CPEB1: variants seen among roughly 807,000 people sequenced by gnomAD.
CPEB1 encodes the protein cytoplasmic polyadenylation element binding protein 1.
CPEB1 carries 7 observed loss-of-function variants against 65.8 expected under a neutral mutation model. The observed-to-expected ratio is 0.11, with a 90% CI of 0.06 to 0.20. The LOEUF (loss-of-function observed/expected upper bound fraction) is 0.20, where lower values mean the gene tolerates loss of function less well. CPEB1 is among the 10% of genes least tolerant of loss of function. The probability of loss-of-function intolerance (pLI) is 1.00; values close to 1 mark genes in which losing one functional copy is unlikely to be tolerated. For synonymous variants in CPEB1, 262 were observed against 260.0 expected (o/e 1.01, Z -0.08); for missense variants, 551 against 712.2 (o/e 0.77, Z 2.58).
chr15:82,602,443 G>C (rs1366998317), intron 3 of CPEB1, among the ~76,000 whole-genome samples: 1 of 152,170 alleles, frequency 6.6e-6, no homozygotes, highest in Non-Finnish European at 1.5e-5. Flanking sequence ...AAGTGCTTTG[G>C]GAGGCTCAGA....
At chr15:82,547,962 T>C (rs928865814) in intron 10 of CPEB1, among the ~76,000 whole-genome samples, 4 of 152,176 alleles carry the variant, frequency 2.6e-5, no homozygotes, top group Non-Finnish European at 5.9e-5. Context: ...GTATAAGCCA[T>C]CATGGTCAGC....
At chr15:82,639,988 T>C (rs1347730441) in intron 1 of CPEB1, among the ~76,000 whole-genome samples, 3 of 152,172 alleles carry the variant, frequency 2.0e-5, no homozygotes, top group Non-Finnish European at 4.4e-5. Flanking sequence ...ATTGGAAGCT[T>C]GTACCAGATT....
chr15:82,622,880 G>A (rs936072126), intron 3 of CPEB1, among the ~76,000 whole-genome samples: 6 of 152,130 alleles, frequency 3.9e-5, no homozygotes, highest in Non-Finnish European at 8.8e-5. Context: ...CTCCACGGAC[G>A]GGGACGGAAT....
At position 82,557,867 on chromosome 15, in the gene CPEB1, C is replaced by T. The variant is rs1440455205; in HGVS notation, c.580G>A (p.Gly194Arg). 6.2e-7 allele frequency: 1 copy of T among 1,614,118 alleles called. No individual in the cohort carries two copies. Among genetic ancestry groups the T allele is most frequent in the Admixed American group, 1.7e-5 (1 of 60,016 alleles). ...VDKFPAPSVRGSRLDTRPILD... is the reference protein window; with the variant it reads ...VDKFPAPSVRRSRLDTRPILD... ...ATGGGCCGGGTGTCCAGGCGTGATC[C>T]TCTAACTGAGGGTGCTGGAAACTTG... is the stretch of plus-strand genomic sequence containing the variant. Residue 194 changes from glycine (G) to arginine (R), a missense_variant, in exon 5 of 13, where the codon GGA becomes AGA. By Grantham distance (125) the Gly-to-Arg change is moderately radical (BLOSUM62 -2). Transcript: ENST00000684509.
At chr15:82,607,077 T>C (rs2043684162) in intron 3 of CPEB1, among the ~76,000 whole-genome samples, 1 of 151,848 alleles carries the variant, frequency 6.6e-6, no homozygotes, top group South Asian at 2.1e-4. Flanking sequence ...CTAGAAAATA[T>C]CTTAACACAA....
chr15:82,604,561 G>C (rs1233937883), intron 3 of CPEB1, among the ~76,000 whole-genome samples: 1 of 150,300 alleles, frequency 6.7e-6, no homozygotes, highest in African/African-American at 2.4e-5. Flanking sequence ...TCACCAAATA[G>C]AGAATATTAC....
chr15:82,556,132 GA>G lies in CPEB1; in HGVS notation c.688-11del. 1.9e-6 allele frequency: 3 copies of G among 1,584,206 alleles called. No homozygotes were observed. The highest frequency in any genetic ancestry group is 1.4e-5 in the African/African-American group (1 of 73,172). On this transcript the variant is annotated splice_polypyrimidine_tract_variant and intron_variant, in intron 5 of 12. Coordinates refer to ENST00000684509, the MANE Select transcript of CPEB1 (RefSeq NM_001365242.1). Reference sequence around the variant, plus strand: ...AAATGCGAAGGCTTGACTAGGGGAGGAAAAAGGAAGACAGGGTTTTAAAGGC... The same window carrying G: ...AAATGCGAAGGCTTGACTAGGGGAGGAAAAGGAAGACAGGGTTTTAAAGGC...
At chr15:82,639,033 T>C (rs920337754) in intron 1 of CPEB1, among the ~76,000 whole-genome samples, 1 of 152,212 alleles carries the variant, frequency 6.6e-6, no homozygotes, top group Non-Finnish European at 1.5e-5. Context: ...GTCTTAGAAT[T>C]ATAAAAATAC....
At chr15:82,602,000 G>A (rs113985924) in intron 3 of CPEB1, among the ~76,000 whole-genome samples, 1 of 152,182 alleles carries the variant, frequency 6.6e-6, no homozygotes, top group Admixed American at 6.5e-5. Flanking sequence ...CATCAAATTA[G>A]TAAATTTGAC....
chr15:82,609,626 C>G (rs1167638560), intron 3 of CPEB1, among the ~76,000 whole-genome samples: 1 of 150,240 alleles, frequency 6.7e-6, no homozygotes, highest in Non-Finnish European at 1.5e-5. Context: ...GAAATAATGT[C>G]TAGAAAAACT....
chr15:82,635,376 C>T (rs1444176255), intron 1 of CPEB1, among the ~76,000 whole-genome samples: 1 of 152,132 alleles, frequency 6.6e-6, no homozygotes, highest in Non-Finnish European at 1.5e-5. Flanking sequence ...TCTCTATTTG[C>T]TTTAGTCACC....
intron 3 of CPEB1, among the ~76,000 whole-genome samples, chr15:82,580,959 C>T (rs2041227637): frequency 6.6e-6 from 1 of 151,952 alleles, no homozygotes; most frequent in South Asian, 2.1e-4. Flanking sequence ...TCAAGCAGTC[C>T]TCCCACCTCA....
chr15:82,632,353 T>C (rs898198952), intron 1 of CPEB1, among the ~76,000 whole-genome samples: 1 of 152,190 alleles, frequency 6.6e-6, no homozygotes, highest in Non-Finnish European at 1.5e-5. Context: ...TTTTTAGTAA[T>C]TCTGTACATG....
chr15:82,561,268 T>C (rs1041128457), intron 4 of CPEB1, among the ~76,000 whole-genome samples: 3 of 152,142 alleles, frequency 2.0e-5, no homozygotes, highest in Admixed American at 1.3e-4. Context: ...AGTTAAACAA[T>C]GAGATTTTCA....
At chr15:82,553,429 A>G (rs903835026) in intron 8 of CPEB1, 38 bp downstream of exon 8, 1 of 1,526,468 alleles carries the variant, frequency 6.6e-7, no homozygotes, top group African/African-American at 1.4e-5. Flanking sequence ...GGGAAAAAAA[A>G]GCTCCTACCA....
chr15:82,554,021 G>C (rs2036747162), intron 6 of CPEB1, 30 bp from the exon 7 acceptor site: 2 of 1,385,344 alleles, frequency 1.4e-6, no homozygotes, highest in East Asian at 2.3e-5. Context: ...GATAAACAGG[G>C]GAGGTTAGAG....
intron 1 of CPEB1, chr15:82,629,767 C>G (rs953657209): frequency 1.0e-6 from 1 of 985,354 alleles, no homozygotes; most frequent in Non-Finnish European, 1.2e-6. Flanking sequence ...CAAAACAAAA[C>G]AAGAAGAGGC....
intron 2 of CPEB1, among the ~76,000 whole-genome samples, chr15:82,627,730 G>A (rs1409715683): frequency 6.6e-6 from 1 of 152,184 alleles, no homozygotes; most frequent in Non-Finnish European, 1.5e-5. Context: ...TAAGGGAAAA[G>A]GTAAACACCA....
chr15:82,544,778 T>C, intron 12 of CPEB1, 76 bp from the exon 13 acceptor site: 1 of 1,128,266 alleles, frequency 8.9e-7, no homozygotes, highest in Admixed American at 1.9e-5. Flanking sequence ...ACGAGCTGCT[T>C]GTTCTGTTTG....
Sources: gnomAD v4.1 joint callset for allele counts (sites outside exome capture counted in the v4.1 genomes callset) on GRCh38, gnomAD v4.1.1 for gene constraint, MANE v1.5 for transcripts, NCBI Gene and HGNC (gene_info 2026-07-23, HGNC 2026-07-21) for gene names.